The following PCOLCE2 variants were observed in gnomAD, a reference collection of about 807,000 sequenced individuals.
PCOLCE2 encodes the protein procollagen C-proteinase enhancer 2.
A neutral mutation model predicts 47.0 loss-of-function variants in PCOLCE2; 42 were observed. That is an observed-to-expected ratio of 0.89 (90% confidence interval 0.70 to 1.16). The LOEUF (loss-of-function observed/expected upper bound fraction) is 1.16, where lower values mean the gene tolerates loss of function less well. Among genes scored for constraint, PCOLCE2 ranks in the 50% most tolerant of loss-of-function variants. The pLI is 0.00. For synonymous variants in PCOLCE2, 169 were observed against 191.7 expected, an observed-to-expected ratio of 0.88 and a Z score of 0.98; for missense variants, 500 against 526.1, an observed-to-expected ratio of 0.95 and a Z score of 0.49.
chr3:142,877,714 C>T (rs1933528123), intron 2 of PCOLCE2, among the ~76,000 whole-genome samples: 1 of 152,136 alleles, frequency 6.6e-6, no homozygotes, highest in Non-Finnish European at 1.5e-5. Flanking sequence ...TCTCCAATGC[C>T]CATTCTTCTA....
rs1389142811 is a variant in PCOLCE2, at chr3:142,868,464, T to G, written c.192+19205A>C. Among the ~76,000 whole-genome samples the G allele has an allele frequency of 3.3e-5, 5 of 152,222 alleles. No individual in the cohort carries two copies. In the East Asian group the frequency reaches 9.6e-4, roughly 29 times the overall value. ...TGTTCAATTCTTTACCTTCTACTTT[T>G]AAACTTAACTTCCTCGTAAAGCAAC... On this transcript the variant is annotated intron_variant, in intron 2 of 8. Transcript: ENST00000295992.
At chr3:142,826,141 A>C (rs1937074216) in intron 6 of PCOLCE2, among the ~76,000 whole-genome samples, 1 of 151,964 alleles carries the variant, frequency 6.6e-6, no homozygotes, top group Non-Finnish European at 1.5e-5. Context: ...AGTAGCTGGG[A>C]CTACAGGTGC....
chr3:142,880,760 C>T lies in PCOLCE2; in HGVS notation c.192+6909G>A, dbSNP rs186233469. Reference sequence around the variant, plus strand: ...AGGCAATGTTACAGGAATGGCTTCACGTAATTGTTTATTAGGCATCTTTGG... The same window carrying T: ...AGGCAATGTTACAGGAATGGCTTCATGTAATTGTTTATTAGGCATCTTTGG... On this transcript the variant is annotated intron_variant, in intron 2 of 8. Coordinates refer to ENST00000295992, the MANE Select transcript of PCOLCE2 (RefSeq NM_013363.4). 3.9e-5 allele frequency among the ~76,000 whole-genome samples: 6 copies of T among 152,278 alleles called. No individual in the cohort carries two copies. In the East Asian group the frequency reaches 9.6e-4, roughly 24 times the overall value.
Position 142,850,269 on chromosome 3 carries a change from A to G in PCOLCE2, c.193-1797T>C, listed in dbSNP as rs561601024. On this transcript the variant is annotated intron_variant, in intron 2 of 8. Coordinates refer to ENST00000295992, the MANE Select transcript of PCOLCE2 (RefSeq NM_013363.4). The stretch of plus-strand genomic sequence containing the variant: ...AATCTTAAATATAAGCAGGCTCTCT[A>G]TGAATCACCGAAAAAGTCCTAGCCA... 4.6e-5 allele frequency among the ~76,000 whole-genome samples: 7 copies of G among 152,332 alleles called. No individual in the cohort carries two copies. The South Asian group carries it at 8.3e-4, about 18-fold the overall frequency.
At chr3:142,863,618 G>A (rs1046700721) in intron 2 of PCOLCE2, among the ~76,000 whole-genome samples, 1 of 152,164 alleles carries the variant, frequency 6.6e-6, no homozygotes, top group Non-Finnish European at 1.5e-5. Flanking sequence ...GAGAGGAAGA[G>A]GGTGTGGGAA....
intron 2 of PCOLCE2, among the ~76,000 whole-genome samples, chr3:142,886,757 T>C (rs1578054660): frequency 6.6e-6 from 1 of 152,356 alleles, no homozygotes; most frequent in South Asian, 2.1e-4. Flanking sequence ...GGGATGATAA[T>C]AGATACTTTC....
At chr3:142,867,015 G>A (rs1933297669) in intron 2 of PCOLCE2, among the ~76,000 whole-genome samples, 1 of 152,232 alleles carries the variant, frequency 6.6e-6, no homozygotes, top group African/African-American at 2.4e-5. Flanking sequence ...CAGCCAGGTA[G>A]AAGCCACATT....
intron 2 of PCOLCE2, among the ~76,000 whole-genome samples, chr3:142,882,922 A>C (rs1933653140): frequency 6.6e-6 from 1 of 152,102 alleles, no homozygotes; most frequent in Non-Finnish European, 1.5e-5. Flanking sequence ...AATTTTAGGC[A>C]GGGCGCAGTA....
At position 142,826,516 on chromosome 3, in the gene PCOLCE2, C is replaced by T. The variant is rs543115018; in HGVS notation, c.866-2901G>A. Among the ~76,000 whole-genome samples the T allele has an allele frequency of 1.4e-4, 22 of 152,294 alleles. 1 individual carries two copies. In the South Asian group the frequency reaches 4.1e-3, roughly 29 times the overall value. On this transcript the variant is annotated intron_variant, in intron 6 of 8. Coordinates refer to ENST00000295992, the MANE Select transcript of PCOLCE2 (RefSeq NM_013363.4). ...TAGAAACTTTCCTTCTCAGTTTATT[C>T]CTTCTGTCTGCCATTGCCTTCTTCT...
intron 5 of PCOLCE2, among the ~76,000 whole-genome samples, chr3:142,835,425 T>G (rs1341148448): frequency 6.6e-6 from 1 of 152,216 alleles, no homozygotes; most frequent in Admixed American, 6.5e-5. Flanking sequence ...TAGTGTTTGC[T>G]TCTAATCATT....
At chr3:142,861,394 C>T (rs1468818707) in intron 2 of PCOLCE2, among the ~76,000 whole-genome samples, 1 of 152,206 alleles carries the variant, frequency 6.6e-6, no homozygotes, top group Non-Finnish European at 1.5e-5. Flanking sequence ...CAGACTTGGA[C>T]TTCCCTGACA....
At chr3:142,872,493 C>T (rs1466214480) in intron 2 of PCOLCE2, among the ~76,000 whole-genome samples, 1 of 152,124 alleles carries the variant, frequency 6.6e-6, no homozygotes, top group African/African-American at 2.4e-5. Context: ...GCATGTAAAG[C>T]TTCTCAAGGG....
chr3:142,827,223 G>T, intron 6 of PCOLCE2: 2 of 1,228,292 alleles, frequency 1.6e-6, no homozygotes, highest in Non-Finnish European at 2.4e-6. Flanking sequence ...ATGTGCTGGT[G>T]GTTGCCACCT....
intron 2 of PCOLCE2, among the ~76,000 whole-genome samples, chr3:142,867,761 A>G (rs1198032331): frequency 6.6e-6 from 1 of 152,158 alleles, no homozygotes; most frequent in Non-Finnish European, 1.5e-5. Flanking sequence ...ACCACTGCCA[A>G]TGGGAGTGCA....
intron 7 of PCOLCE2, among the ~76,000 whole-genome samples, chr3:142,821,963 G>C (rs1937020970): frequency 6.6e-6 from 1 of 151,904 alleles, no homozygotes; most frequent in Non-Finnish European, 1.5e-5. Context: ...TGTTGCCCAG[G>C]CTGGACTGCA....
intron 6 of PCOLCE2, among the ~76,000 whole-genome samples, chr3:142,824,110 G>A (rs1937046281): frequency 6.6e-6 from 1 of 152,198 alleles, no homozygotes; most frequent in Non-Finnish European, 1.5e-5. Context: ...TGTTACATCT[G>A]TAATTAGATG....
intron 2 of PCOLCE2, among the ~76,000 whole-genome samples, chr3:142,854,818 C>T (rs890547859): frequency 1.3e-4 from 20 of 152,196 alleles, no homozygotes; most frequent in African/African-American, 3.4e-4. Flanking sequence ...GCACTATATA[C>T]GTATCATTTC....
chr3:142,823,659 G>A (rs763912714), intron 6 of PCOLCE2, 44 bp from the exon 7 acceptor site: 2 of 1,119,912 alleles, frequency 1.8e-6, no homozygotes, highest in Admixed American at 3.7e-5. Flanking sequence ...ATGAATTCAA[G>A]CATAATTGGT....
intron 2 of PCOLCE2, among the ~76,000 whole-genome samples, chr3:142,851,566 A>G (rs1389457588): frequency 6.6e-6 from 1 of 152,174 alleles, no homozygotes; most frequent in Middle Eastern, 3.2e-3. Context: ...ACTGTGGTGG[A>G]GTAAGGACAA....
Sources: allele counts gnomAD v4.1 joint callset (sites outside exome capture counted in the v4.1 genomes callset), GRCh38; gene constraint gnomAD v4.1.1; transcripts MANE v1.5; gene names NCBI Gene and HGNC (gene_info 2026-07-23, HGNC 2026-07-21).